SPIRE1: variants seen among roughly 807,000 people sequenced by gnomAD.
SPIRE1 encodes spire type actin nucleation factor 1.
A neutral mutation model predicts 94.1 loss-of-function variants in SPIRE1; 40 were observed. That is an observed-to-expected ratio of 0.43 (90% CI 0.33 to 0.55). The LOEUF is 0.55. Ranked by LOEUF, SPIRE1 falls within the 20% of genes least tolerant of loss-of-function variation. The pLI, the probability that SPIRE1 is intolerant of heterozygous loss-of-function variation, is 0.06. For missense variants in SPIRE1, 838 were observed against 975.2 expected, an observed-to-expected ratio of 0.86 and a Z score of 1.87; for synonymous variants, 376 against 371.7, an observed-to-expected ratio of 1.01 and a Z score of -0.13.
chr18:12,450,373 A>T, intron 16 of SPIRE1: 1 of 352,646 alleles, frequency 2.8e-6, no homozygotes, highest in Non-Finnish European at 5.2e-6. Context: ...AAACAAAAAA[A>T]GAAAAGGAAA....
chr18:12,469,705 TATAA>T (rs1278878253), intron 10 of SPIRE1, among the ~76,000 whole-genome samples: 2 of 144,020 alleles, frequency 1.4e-5, no homozygotes, highest in Non-Finnish European at 3.0e-5. Flanking sequence ...GTATAATTTA[TATAA>T]ATATATTTAT....
chr18:12,618,288 G>C (rs1419986118), intron 2 of SPIRE1, among the ~76,000 whole-genome samples: 1 of 151,946 alleles, frequency 6.6e-6, no homozygotes, highest in Non-Finnish European at 1.5e-5. Flanking sequence ...TTTTAGTAGA[G>C]ATGGAGTTTC....
At chr18:12,648,044 A>G (rs2038272765) in intron 1 of SPIRE1, among the ~76,000 whole-genome samples, 1 of 152,188 alleles carries the variant, frequency 6.6e-6, no homozygotes, top group African/African-American at 2.4e-5. Context: ...CAAAACAACC[A>G]AAGTACAAAA....
At chr18:12,630,443 G>A (rs922183618) in intron 2 of SPIRE1, among the ~76,000 whole-genome samples, 1 of 152,210 alleles carries the variant, frequency 6.6e-6, no homozygotes, top group Non-Finnish European at 1.5e-5. Context: ...CAGATGACCT[G>A]AGGTTCCGAG....
chr18:12,569,683 A>G (rs2035916817), intron 2 of SPIRE1, among the ~76,000 whole-genome samples: 1 of 151,938 alleles, frequency 6.6e-6, no homozygotes, highest in African/African-American at 2.4e-5. Flanking sequence ...TAAAATATTC[A>G]TCTGAGTTAC....
intron 4 of SPIRE1, among the ~76,000 whole-genome samples, chr18:12,531,219 C>T (rs1310038129): frequency 6.6e-6 from 1 of 152,074 alleles, no homozygotes; most frequent in Non-Finnish European, 1.5e-5. Context: ...TTTCATACCT[C>T]AACTTTACAT....
chr18:12,641,060 A>C (rs1000062530), intron 1 of SPIRE1, among the ~76,000 whole-genome samples: 8 of 152,124 alleles, frequency 5.3e-5, no homozygotes, highest in Non-Finnish European at 7.3e-5. Flanking sequence ...GGCAGTAATG[A>C]GGGTGAAAAG....
At chr18:12,590,534 T>A (rs915499262) in intron 2 of SPIRE1, among the ~76,000 whole-genome samples, 1 of 152,136 alleles carries the variant, frequency 6.6e-6, no homozygotes, top group Non-Finnish European at 1.5e-5. Flanking sequence ...GAGAAAGTTA[T>A]AAGATGTTCC....
rs191371368 is a variant in SPIRE1 at position 12,580,398 on chromosome 18, A to G, written c.373-33494T>C. Among the ~76,000 whole-genome samples the G allele has an allele frequency of 2.6e-3, 392 of 151,846 alleles. 1 individual carries two copies. The highest frequency in any genetic ancestry group is 9.1e-3 in the African/African-American group (376 of 41,376). On this transcript the variant is annotated intron_variant, in intron 2 of 16. Transcript: ENST00000409402. ...GAGTGCAGTGGTGTGATCTTGGCTC[A>G]CTGCAATCTCTGCCTCCCAGGTTCA...
intron 2 of SPIRE1, among the ~76,000 whole-genome samples, chr18:12,578,572 A>G (rs1307016948): frequency 6.6e-6 from 1 of 152,240 alleles, no homozygotes; most frequent in Non-Finnish European, 1.5e-5. Flanking sequence ...GTACATTTAA[A>G]TTATCAGCAT....
chr18:12,601,229 C>G (rs2036825597), intron 2 of SPIRE1, among the ~76,000 whole-genome samples: 1 of 150,968 alleles, frequency 6.6e-6, no homozygotes, highest in Non-Finnish European at 1.5e-5. Context: ...GCCCAGCCAA[C>G]ACGGCAAAAC....
chr18:12,601,123 TA>T (rs1228858769), intron 2 of SPIRE1, among the ~76,000 whole-genome samples: 1 of 151,994 alleles, frequency 6.6e-6, no homozygotes, highest in African/African-American at 2.4e-5. Context: ...CCATAACTTT[TA>T]AAAACTGCTT....
intron 2 of SPIRE1, among the ~76,000 whole-genome samples, chr18:12,597,182 A>G (rs2036698768): frequency 6.6e-6 from 1 of 151,028 alleles, no homozygotes. Context: ...ACACACACAC[A>G]CACACACACA....
chr18:12,622,463 C>T lies in SPIRE1; in HGVS notation c.372+12599G>A, dbSNP rs531106173. Among the ~76,000 whole-genome samples, 23 of 131,676 alleles carry T rather than the reference C, an allele frequency of 1.7e-4. No homozygotes were observed. In the South Asian group the frequency reaches 5.8e-3, roughly 33 times the overall value. The allele number at this position is 131,676 out of a possible 152,430, so 86.4% of individuals were successfully genotyped here. A position where few individuals can be genotyped will look rare whatever the true frequency, so the allele number is the denominator to read the frequency against. ...TTTGAGACAGAGTCTTGCTCTGTCG[C>T]CCAGGCTGGAGTGCAGTGGCGCGAT... On this transcript the variant is annotated intron_variant, in intron 2 of 16. Coordinates refer to ENST00000409402, the MANE Select transcript of SPIRE1 (RefSeq NM_001128626.2).
chr18:12,650,064 C>T (rs990785359), intron 1 of SPIRE1, among the ~76,000 whole-genome samples: 6 of 152,008 alleles, frequency 3.9e-5, no homozygotes, highest in African/African-American at 1.4e-4. Flanking sequence ...TATGGAAAAA[C>T]CCTGTCTCTA....
At chr18:12,648,890 CAAAAAAAA>C (rs56696562) in intron 1 of SPIRE1, among the ~76,000 whole-genome samples, 6 of 85,492 alleles carry the variant, frequency 7.0e-5, no homozygotes, top group South Asian at 8.7e-4. Context: ...AACTCCGTCT[CAAAAAAAA>C]AAAAAAAAAA....
intron 2 of SPIRE1, among the ~76,000 whole-genome samples, chr18:12,552,766 G>A (rs2035390323): frequency 6.6e-6 from 1 of 152,054 alleles, no homozygotes; most frequent in Non-Finnish European, 1.5e-5. Flanking sequence ...AGAGTTGTGA[G>A]CCCTTAAAAG....
intron 2 of SPIRE1, among the ~76,000 whole-genome samples, chr18:12,548,437 T>C (rs1213608129): frequency 6.6e-6 from 1 of 152,166 alleles, no homozygotes; most frequent in East Asian, 1.9e-4. Context: ...ACTTTACCAA[T>C]GAAATAATAT....
At chr18:12,459,720 T>G in intron 12 of SPIRE1, 3 of 983,394 alleles carry the variant, frequency 3.1e-6, no homozygotes, top group Non-Finnish European at 3.6e-6. Flanking sequence ...ATACAGAGAA[T>G]GAAATAATCC....
Sources: gnomAD v4.1 joint callset for allele counts (sites outside exome capture counted in the v4.1 genomes callset) on GRCh38, gnomAD v4.1.1 for gene constraint, MANE v1.5 for transcripts, NCBI Gene and HGNC (gene_info 2026-07-23, HGNC 2026-07-21) for gene names.